Variants in PPFIA1 observed in about 807,000 individuals in gnomAD.
PPFIA1 encodes liprin-alpha-1.
A neutral mutation model predicts 149.9 loss-of-function variants in PPFIA1; 25 were observed. The observed-to-expected ratio is 0.17, with a 90% CI of 0.12 to 0.23. PPFIA1 has a LOEUF of 0.23. Among genes scored for constraint, PPFIA1 ranks in the 10% least tolerant of loss-of-function variants. PPFIA1 has a pLI of 1.00. For missense variants in PPFIA1, 1,362 were observed against 1,506.5 expected, an observed-to-expected ratio of 0.90 and a Z score of 1.59; for synonymous variants, 549 against 552.8, an observed-to-expected ratio of 0.99 and a Z score of 0.10.
chr11:70,293,576 AGT>A (rs1268230507), intron 2 of PPFIA1, among the ~76,000 whole-genome samples: 1 of 152,226 alleles, frequency 6.6e-6, no homozygotes, highest in African/African-American at 2.4e-5. Flanking sequence ...TGATTAGCAA[AGT>A]GTGAGAGCAG....
At chr11:70,365,214 A>G (rs979825934) in intron 21 of PPFIA1, 1 of 282,080 alleles carries the variant, frequency 3.5e-6, no homozygotes, top group Non-Finnish European at 7.2e-6. Flanking sequence ...GTTAACAGGG[A>G]ATGGTTATTC....
Position 70,375,066 on chromosome 11 carries a change from G to A in PPFIA1, c.3288G>A (p.Leu1096=), listed in dbSNP as rs763827399. The change falls in exon 24 of 28, where the codon CTG becomes CTA. Residue 1096 remains leucine (L), a synonymous_variant. Transcript: ENST00000253925. The stretch of plus-strand genomic sequence containing the variant: ...TCGACTTCAGTGCACTGGCACTGCT[G>A]TTACAGATCCCGACGCAGAACACAC... The part of the protein sequence containing the change: ...ETFDFSALAL[L]LQIPTQNTQA... 1 of 1,611,636 alleles carries A rather than the reference G, an allele frequency of 6.2e-7. No homozygotes were observed. Among genetic ancestry groups the A allele is most frequent in the Non-Finnish European group, 8.5e-7 (1 of 1,179,326 alleles).
At chr11:70,335,798 C>T in intron 11 of PPFIA1, 104 bp downstream of exon 11, 1 of 1,325,072 alleles carries the variant, frequency 7.5e-7, no homozygotes, top group Non-Finnish European at 1.1e-6. Flanking sequence ...GCAGCTGTTA[C>T]CGAAAATGGG....
At chr11:70,285,201 C>T (rs559022023) in intron 2 of PPFIA1, among the ~76,000 whole-genome samples, 7 of 151,838 alleles carry the variant, frequency 4.6e-5, no homozygotes, top group African/African-American at 9.7e-5. Flanking sequence ...AGTTTCACCA[C>T]GTTGCCCAGG....
chr11:70,330,041 C>A, intron 7 of PPFIA1, 132 bp from the exon 8 acceptor site: 2 of 787,566 alleles, frequency 2.5e-6, no homozygotes, highest in Non-Finnish European at 3.9e-6. Flanking sequence ...GCTGCTGTAT[C>A]TGGCCTGAGG....
intron 16 of PPFIA1, among the ~76,000 whole-genome samples, chr11:70,353,638 A>G (rs1280559111): frequency 1.3e-5 from 2 of 152,236 alleles, no homozygotes; most frequent in Non-Finnish European, 2.9e-5. Context: ...ATCATCTTGT[A>G]ATGATAAGCC....
At chr11:70,277,060 A>ATTTTTTTTTTTTTTTTT (rs1555076271) in intron 2 of PPFIA1, among the ~76,000 whole-genome samples, 3 of 66,326 alleles carry the variant, frequency 4.5e-5, no homozygotes, top group African/African-American at 3.5e-4. Flanking sequence ...ATATATATAT[A>ATTTTTTTTTTTTTTTTT]TTTTTTTTTT....
intron 15 of PPFIA1, among the ~76,000 whole-genome samples, chr11:70,347,232 A>C (rs544834946): frequency 1.3e-5 from 2 of 152,198 alleles, no homozygotes; most frequent in Non-Finnish European, 2.9e-5. Context: ...AGGGTCATAA[A>C]ATTTTAAAAT....
intron 21 of PPFIA1, chr11:70,371,395 G>C: frequency 1.5e-5 from 1 of 67,462 alleles, no homozygotes; most frequent in African/African-American, 5.3e-5. Flanking sequence ...CTGTTGTTTG[G>C]TGGATTGTTC....
At chr11:70,324,140 G>C (rs1161178595) in intron 2 of PPFIA1, among the ~76,000 whole-genome samples, 4 of 152,230 alleles carry the variant, frequency 2.6e-5, no homozygotes, top group Admixed American at 1.3e-4. Flanking sequence ...TGCTGAGAAG[G>C]TGGACTTGGA....
chr11:70,298,634 C>G (rs957341110), intron 2 of PPFIA1, among the ~76,000 whole-genome samples: 15 of 152,224 alleles, frequency 9.9e-5, no homozygotes, highest in Admixed American at 9.2e-4. Context: ...CCAGGCTGAT[C>G]TGTCCCACGG....
intron 2 of PPFIA1, among the ~76,000 whole-genome samples, chr11:70,284,954 G>A (rs1292559265): frequency 1.3e-5 from 2 of 151,986 alleles, no homozygotes; most frequent in Non-Finnish European, 2.9e-5. Context: ...CGTGGCCTCA[G>A]GGGAGGGAAT....
At chr11:70,357,256 CTTTTAAG>C (rs1167033751) in intron 19 of PPFIA1, among the ~76,000 whole-genome samples, 1 of 152,134 alleles carries the variant, frequency 6.6e-6, no homozygotes, top group Non-Finnish European at 1.5e-5. Flanking sequence ...CATCTGGCCA[CTTTTAAG>C]TGCCCTGAGA....
chr11:70,294,769 T>C (rs2051789861), intron 2 of PPFIA1, among the ~76,000 whole-genome samples: 1 of 151,810 alleles, frequency 6.6e-6, no homozygotes, highest in East Asian at 1.9e-4. Flanking sequence ...ACGAGCATGC[T>C]GCCTTCAAGC....
At position 70,338,453 on chromosome 11, in the gene PPFIA1, GGTATGGTATTAACCA is replaced by G. The variant is rs1478888247; in HGVS notation, c.1571+3_1571+17del. On this transcript the variant is annotated splice_donor_variant and splice_donor_5th_base_variant and intron_variant, in intron 13 of 27. Transcript: ENST00000253925. LOFTEE classifies it high-confidence loss of function. ...CTAAGAGGTGCTTCACTTCATCATG[GGTATGGTATTAACCA>G]GTGAGCAGCCATATTGTCAGCACCT... 1.2e-6 allele frequency: 2 copies of G among 1,605,910 alleles called. No homozygotes were observed. The highest frequency in any genetic ancestry group is 1.7e-6 in the Non-Finnish European group (2 of 1,172,756).
rs2054294082 is a variant in PPFIA1, at chr11:70,326,455, C to T, written c.708+92C>T. The stretch of plus-strand genomic sequence containing the variant: ...TGGAAAACAGTTGCTAAAGTACCGG[C>T]TTAGAGCTGAAGTGGTCATGAAAGT... On this transcript the variant is annotated intron_variant, in intron 6 of 27. Transcript: ENST00000253925. 10 of 1,324,252 alleles carry T rather than the reference C, an allele frequency of 7.6e-6. No homozygotes were observed. In the South Asian group the frequency reaches 1.3e-4, roughly 17 times the overall value. 82.0% of individuals were successfully genotyped at this position (1,324,252 alleles called of 1,614,324 possible).
chr11:70,347,817 C>T (rs1453654066), intron 15 of PPFIA1, among the ~76,000 whole-genome samples: 1 of 152,104 alleles, frequency 6.6e-6, no homozygotes, highest in East Asian at 1.9e-4. Context: ...GCCTGGCCAA[C>T]ATGGTGAAAC....
At chr11:70,337,666 T>C (rs1435356319) in intron 12 of PPFIA1, among the ~76,000 whole-genome samples, 1 of 152,206 alleles carries the variant, frequency 6.6e-6, no homozygotes, top group Non-Finnish European at 1.5e-5. Flanking sequence ...TATTTGAAGC[T>C]AAAATATTAG....
chr11:70,373,227 A>G (rs2057349295), intron 23 of PPFIA1, among the ~76,000 whole-genome samples: 1 of 152,006 alleles, frequency 6.6e-6, no homozygotes, highest in Non-Finnish European at 1.5e-5. Context: ...TTATTTATTT[A>G]TTTAATTTAT....
Sources: gnomAD v4.1 joint callset for allele counts (sites outside exome capture counted in the v4.1 genomes callset) on GRCh38, gnomAD v4.1.1 for gene constraint, MANE v1.5 for transcripts, NCBI Gene and HGNC (gene_info 2026-07-23, HGNC 2026-07-21) for gene names.